Variants in JMY observed in about 807,000 individuals in gnomAD.
The protein encoded by JMY is junction mediating and regulatory protein, p53 cofactor, also known as junction-mediating and -regulatory protein.
Under a neutral mutation model 103.3 loss-of-function variants are expected in JMY, and 46 were observed. The ratio of observed to expected loss-of-function variants is 0.45; its 90% CI spans 0.35 to 0.57. The LOEUF is 0.57. Among genes scored for constraint, JMY ranks in the 20% least tolerant of loss-of-function variants. The probability of loss-of-function intolerance (pLI) is 0.00; values close to 1 mark genes in which losing one functional copy is unlikely to be tolerated. For missense variants in JMY, 1,238 were observed against 1,255.2 expected (o/e 0.99, Z 0.21); for synonymous variants, 526 against 489.3 (o/e 1.07, Z -0.99).
intron 2 of JMY, chr5:79,284,079 TA>T (rs1184654897): frequency 2.4e-5 from 28 of 1,148,828 alleles, no homozygotes; most frequent in Non-Finnish European, 3.0e-5. Flanking sequence ...ATTTTATTTT[TA>T]TTTTTTTTCA....
chr5:79,238,379 T>TA, intron 1 of JMY, among the ~76,000 whole-genome samples: 1 of 152,160 alleles, frequency 6.6e-6, no homozygotes, highest in East Asian at 1.9e-4. Flanking sequence ...ACAAAAGCCT[T>TA]TTCAAACTAA....
intron 4 of JMY, among the ~76,000 whole-genome samples, chr5:79,299,585 A>G (rs1011449000): frequency 1.3e-5 from 2 of 152,116 alleles, no homozygotes; most frequent in African/African-American, 4.8e-5. Flanking sequence ...GATTACATTT[A>G]CCTAAAGTGA....
intron 1 of JMY, among the ~76,000 whole-genome samples, chr5:79,247,684 G>C (rs1015357023): frequency 1.3e-4 from 20 of 151,506 alleles, no homozygotes; most frequent in African/African-American, 4.6e-4. Context: ...GCGGAGTCTT[G>C]CTCTGTTGCC....
At chr5:79,240,547 G>A (rs1297261620) in intron 1 of JMY, among the ~76,000 whole-genome samples, 2 of 152,180 alleles carry the variant, frequency 1.3e-5, no homozygotes, top group Non-Finnish European at 2.9e-5. Context: ...GACCTCAGGT[G>A]ATCTAACTGC....
At chr5:79,240,537 G>T (rs1744705781) in intron 1 of JMY, among the ~76,000 whole-genome samples, 1 of 152,010 alleles carries the variant, frequency 6.6e-6, no homozygotes, top group Admixed American at 6.6e-5. Context: ...TTGAACTCCT[G>T]ACCTCAGGTG....
At position 79,294,175 on chromosome 5, in the gene JMY, G is replaced by A. The variant is rs1279973301; in HGVS notation, c.1527+2876G>A. ...TCTCAGCACTTTGGGAGGCTGAGGC[G>A]GGTAGATCACCTGAGGTCAGGAGTT... On this transcript the variant is annotated intron_variant, in intron 4 of 10. Transcript: ENST00000396137. Among the ~76,000 whole-genome samples the A allele has an allele frequency of 2.6e-5, 4 of 152,244 alleles. No homozygotes were observed. The South Asian group carries it at 6.2e-4, about 24-fold the overall frequency.
Position 79,323,252 on chromosome 5 carries a change from T to TGACA in JMY, c.*1651_*1654dup. The TGACA allele has an allele frequency of 6.6e-6, 1 of 152,366 alleles. No homozygotes were observed. Among genetic ancestry groups the TGACA allele is most frequent in the East Asian group, 1.9e-4 (1 of 5,186 alleles). 9.4% of individuals were successfully genotyped at this position (152,366 alleles called of 1,614,324 possible). On this transcript the variant is annotated 3_prime_UTR_variant, in exon 11 of 11. Transcript: ENST00000396137. ...TAGGCGTGAGCCTCTGTGCCCAGCC[T>TGACA]GACAAAATCTTTTATTTATTTAAAT...
intron 1 of JMY, among the ~76,000 whole-genome samples, chr5:79,276,191 T>C (rs1393766900): frequency 1.3e-5 from 2 of 152,204 alleles, no homozygotes; most frequent in African/African-American, 4.8e-5. Flanking sequence ...CAGTCTTGGC[T>C]CACTGCAACC....
rs1441268566 is a variant in JMY, at chr5:79,237,646, A to G, written c.996A>G (p.Glu332=). 6.2e-7 allele frequency: 1 copy of G among 1,613,646 alleles called. No individual in the cohort carries two copies. The highest frequency in any genetic ancestry group is 8.5e-7 in the Non-Finnish European group (1 of 1,179,910). The change falls in exon 1 of 11, where the codon GAA becomes GAG. Residue 332 remains glutamate (E), a synonymous_variant. Transcript: ENST00000396137. ...SLSELRQKGY[E]EVLQRARKRI... is the part of the protein sequence containing the mutation. ...GCGAGCTGCGGCAGAAGGGCTACGA[A>G]GAAGTGCTTCAGCGGGCCAGGAAGC...
chr5:79,255,630 A>G (rs1002127281), intron 1 of JMY, among the ~76,000 whole-genome samples: 2 of 152,172 alleles, frequency 1.3e-5, no homozygotes, highest in Non-Finnish European at 2.9e-5. Context: ...TGTAAGCTGT[A>G]TCTGTTTTAG....
At position 79,322,778 on chromosome 5, in the gene JMY, G is replaced by C. The variant is rs562338541; in HGVS notation, c.*1176G>C. ...ATTGTTGTGGGCTTGAATACATGTA[G>C]ATCATTGGACTCAGTGTGCAGTACC... On this transcript the variant is annotated 3_prime_UTR_variant, in exon 11 of 11. Transcript: ENST00000396137. The C allele has an allele frequency of 6.6e-6, 1 of 152,182 alleles. No individual in the cohort carries two copies. Among genetic ancestry groups the C allele is most frequent in the African/African-American group, 2.4e-5 (1 of 41,442 alleles). 9.4% of individuals were successfully genotyped at this position (152,182 alleles called of 1,614,324 possible). A position where few individuals can be genotyped will look rare whatever the true frequency, so the allele number is the denominator to read the frequency against.
chr5:79,305,040 A>G (rs1408247964), intron 6 of JMY, among the ~76,000 whole-genome samples: 1 of 152,228 alleles, frequency 6.6e-6, no homozygotes, highest in Admixed American at 6.5e-5. Flanking sequence ...TAGATTCTTG[A>G]TAGGCAATAG....
At chr5:79,314,134 C>G (rs979482302) in intron 8 of JMY, 123 bp from the exon 9 acceptor site, 1 of 1,456,896 alleles carries the variant, frequency 6.9e-7, no homozygotes, top group African/African-American at 1.4e-5. Context: ...GCTGGGATTA[C>G]AGGCGTGAGC....
intron 1 of JMY, among the ~76,000 whole-genome samples, chr5:79,261,706 C>T (rs1055270721): frequency 8.5e-5 from 13 of 152,148 alleles, no homozygotes; most frequent in Non-Finnish European, 1.8e-4. Context: ...CAGAGAAAGG[C>T]GTAGACCTGT....
chr5:79,282,905 G>C (rs1746160572), intron 2 of JMY, among the ~76,000 whole-genome samples: 1 of 151,622 alleles, frequency 6.6e-6, no homozygotes, highest in African/African-American at 2.4e-5. Context: ...AAGATGGTTG[G>C]AATGTTATTA....
In JMY at chr5:79,325,253, G is replaced by A. The variant is rs900844858; in HGVS notation, c.*3651G>A. ...GTTTTCTTTTTTCAGCTTTATTATT[G>A]AAGTATTACAAACTTAACATCAGAT... On this transcript the variant is annotated 3_prime_UTR_variant, in exon 11 of 11. Transcript: ENST00000396137. The A allele has an allele frequency of 2.0e-4, 31 of 152,012 alleles. No homozygotes were observed. The highest frequency in any genetic ancestry group is 6.3e-4 in the African/African-American group (26 of 41,396). The allele number at this position is 152,012 out of a possible 1,614,324, so 9.4% of individuals were successfully genotyped here.
intron 1 of JMY, among the ~76,000 whole-genome samples, chr5:79,261,012 G>A (rs1465549067): frequency 1.3e-5 from 2 of 151,884 alleles, no homozygotes; most frequent in African/African-American, 4.8e-5. Context: ...AATAATTAAT[G>A]GTAAAGATAT....
intron 1 of JMY, among the ~76,000 whole-genome samples, chr5:79,262,229 G>A (rs1174228082): frequency 6.6e-6 from 1 of 152,202 alleles, no homozygotes; most frequent in East Asian, 1.9e-4. Flanking sequence ...AGGTGCATCT[G>A]CTGCATTTTA....
At chr5:79,248,806 A>G (rs1398612864) in intron 1 of JMY, among the ~76,000 whole-genome samples, 1 of 151,914 alleles carries the variant, frequency 6.6e-6, no homozygotes, top group Non-Finnish European at 1.5e-5. Flanking sequence ...GCAGGCTGGA[A>G]TGCAGTGGTG....
Sources: allele counts gnomAD v4.1 joint callset (sites outside exome capture counted in the v4.1 genomes callset), GRCh38; gene constraint gnomAD v4.1.1; transcripts MANE v1.5; gene names NCBI Gene and HGNC (gene_info 2026-07-23, HGNC 2026-07-21).